Variants in MSI2 observed in about 807,000 individuals in gnomAD.
MSI2 encodes RNA-binding protein Musashi homolog 2.
MSI2 carries 17 observed loss-of-function variants against 45.6 expected under a neutral mutation model. That is an observed-to-expected ratio of 0.37 (90% CI 0.26 to 0.56). The LOEUF is 0.56. MSI2 is among the 20% of genes least tolerant of loss of function. The probability of loss-of-function intolerance (pLI) is 0.77; values close to 1 mark genes in which losing one functional copy is unlikely to be tolerated. For missense variants in MSI2, 293 were observed against 444.2 expected (o/e 0.66, Z 3.06); for synonymous variants, 156 against 158.2 (o/e 0.99, Z 0.11).
At chr17:57,673,621 T>C (rs1314185819) in intron 11 of MSI2, among the ~76,000 whole-genome samples, 1 of 152,192 alleles carries the variant, frequency 6.6e-6, no homozygotes, top group Non-Finnish European at 1.5e-5. Context: ...AAATAAAGTT[T>C]AAACTACTAA....
chr17:57,539,368 G>A (rs1368319093), intron 7 of MSI2, among the ~76,000 whole-genome samples: 1 of 151,722 alleles, frequency 6.6e-6, no homozygotes, highest in Non-Finnish European at 1.5e-5. Context: ...TGCAGTGATA[G>A]AACAACGTGA....
At chr17:57,368,348 G>A (rs2083370990) in intron 5 of MSI2, among the ~76,000 whole-genome samples, 1 of 152,102 alleles carries the variant, frequency 6.6e-6, no homozygotes, top group Non-Finnish European at 1.5e-5. Context: ...TTGGGGTCAG[G>A]AGTTTGAGAG....
intron 10 of MSI2, among the ~76,000 whole-genome samples, chr17:57,649,081 G>T (rs2144676847): frequency 6.6e-6 from 1 of 152,292 alleles, no homozygotes; most frequent in South Asian, 2.1e-4. Flanking sequence ...CCACCAGGAT[G>T]TTTCTTTGGC....
chr17:57,396,826 C>A (rs925372035), intron 5 of MSI2, among the ~76,000 whole-genome samples: 1 of 152,208 alleles, frequency 6.6e-6, no homozygotes, highest in Non-Finnish European at 1.5e-5. Context: ...TGCACACGGA[C>A]ACCTCCTGCT....
chr17:57,389,944 C>T (rs1018338983), intron 5 of MSI2, among the ~76,000 whole-genome samples: 1 of 151,888 alleles, frequency 6.6e-6, no homozygotes, highest in East Asian at 1.9e-4. Flanking sequence ...TTTTAATGAA[C>T]AAGAATCTGA....
chr17:57,277,217 A>C (rs1474990925), intron 5 of MSI2, among the ~76,000 whole-genome samples: 1 of 151,710 alleles, frequency 6.6e-6, no homozygotes, highest in African/African-American at 2.4e-5. Context: ...CACCACACCC[A>C]GCTAATTTTT....
At chr17:57,649,527 A>G (rs1910969812) in intron 10 of MSI2, among the ~76,000 whole-genome samples, 1 of 151,994 alleles carries the variant, frequency 6.6e-6, no homozygotes, top group African/African-American at 2.4e-5. Context: ...TACACCTGAC[A>G]CACATACACT....
At chr17:57,257,406 A>T in intron 2 of MSI2, 60 bp from the exon 3 acceptor site, 1 of 1,007,114 alleles carries the variant, frequency 9.9e-7, no homozygotes, top group South Asian at 1.5e-5. Context: ...CAAAATTTGC[A>T]TTGCTTTTTT....
intron 5 of MSI2, among the ~76,000 whole-genome samples, chr17:57,300,556 G>A (rs1282955950): frequency 6.6e-6 from 1 of 152,134 alleles, no homozygotes. Flanking sequence ...ATGCCTCATT[G>A]TCAAAGGAAA....
At chr17:57,411,453 A>G (rs1567808657) in intron 6 of MSI2, among the ~76,000 whole-genome samples, 1 of 152,162 alleles carries the variant, frequency 6.6e-6, no homozygotes, top group Non-Finnish European at 1.5e-5. Flanking sequence ...GTTTGCCCGA[A>G]CCGTTCATGT....
chr17:57,402,523 GT>G (rs1388033969), intron 6 of MSI2, among the ~76,000 whole-genome samples: 2 of 152,178 alleles, frequency 1.3e-5, no homozygotes, highest in Non-Finnish European at 2.9e-5. Context: ...CTTGCCATGG[GT>G]ACAAAGGCAC....
At chr17:57,619,361 A>G (rs950690445) in intron 9 of MSI2, among the ~76,000 whole-genome samples, 4 of 152,240 alleles carry the variant, frequency 2.6e-5, no homozygotes, top group African/African-American at 7.2e-5. Flanking sequence ...CTTGTGGTCT[A>G]TACAGAGAGC....
At chr17:57,585,741 C>G (rs1056341954) in intron 7 of MSI2, among the ~76,000 whole-genome samples, 1 of 152,254 alleles carries the variant, frequency 6.6e-6, no homozygotes, top group Non-Finnish European at 1.5e-5. Flanking sequence ...CCAGCTGATA[C>G]CCCATCTCCC....
downstream of MSI2, chr17:57,684,722 T>C (rs1326540842): frequency 6.6e-6 from 1 of 152,408 alleles, no homozygotes; most frequent in African/African-American, 2.4e-5. Flanking sequence ...GCAGAGGAGG[T>C]CTGGGGTCTG....
chr17:57,491,993 C>A (rs187331182), intron 6 of MSI2, among the ~76,000 whole-genome samples: 1 of 152,338 alleles, frequency 6.6e-6, no homozygotes, highest in Non-Finnish European at 1.5e-5. Flanking sequence ...CCTGATACCA[C>A]CTAAATCAGT....
In MSI2 at chr17:57,679,879, C is replaced by T. The variant is rs539012580; in HGVS notation, c.*362C>T. 4.3e-6 allele frequency: 1 copy of T among 231,290 alleles called. No individual in the cohort carries two copies. The highest frequency in any genetic ancestry group is 6.1e-5 in the East Asian group (1 of 16,320). The allele number at this position is 231,290 out of a possible 1,614,324, so 14.3% of individuals were successfully genotyped here. A position where few individuals can be genotyped will look rare whatever the true frequency, so the allele number is the denominator to read the frequency against. On this transcript the variant is annotated 3_prime_UTR_variant, in exon 14 of 14. Transcript: ENST00000284073. ...TGATTTTGACTTAGTCCAGTAGTCA[C>T]ATAGCTTTAATATCTAGTTCAAAGC...
At chr17:57,364,873 A>T (rs759599255) in intron 5 of MSI2, 1 of 151,996 alleles carries the variant, frequency 6.6e-6, no homozygotes, top group Non-Finnish European at 1.5e-5. Flanking sequence ...TTGCTCAGAG[A>T]TGGCTGGGTT....
intron 8 of MSI2, among the ~76,000 whole-genome samples, chr17:57,598,283 G>A (rs73994444): frequency 0.1 from 15,473 of 152,144 alleles, 937 homozygotes; most frequent in African/African-American, 0.15. Context: ...TAAAACATGC[G>A]TTCAGACATG....
chr17:57,326,477 T>C (rs561751686), intron 5 of MSI2, among the ~76,000 whole-genome samples: 1 of 152,340 alleles, frequency 6.6e-6, no homozygotes, highest in East Asian at 1.9e-4. Flanking sequence ...CTGTATTTCT[T>C]GGTTCAAGTT....
Sources: allele counts gnomAD v4.1 joint callset (sites outside exome capture counted in the v4.1 genomes callset), GRCh38; gene constraint gnomAD v4.1.1; transcripts MANE v1.5; gene names NCBI Gene and HGNC (gene_info 2026-07-23, HGNC 2026-07-21).